Variants in LRTM3 observed in about 807,000 individuals in gnomAD.
LRTM3 encodes the protein leucine-rich repeat transmembrane protein 3.
At chr13:102,745,794 G>T in the LRTM3 span, 4 of 1,551,126 alleles carry the variant, frequency 2.6e-6, no homozygotes, top group Non-Finnish European at 2.6e-6. Flanking sequence ...GACTTTAGAG[G>T]TGAAAACCTA....
the LRTM3 span, chr13:102,758,845 A>G: frequency 1.3e-6 from 2 of 1,550,176 alleles, no homozygotes; most frequent in Admixed American, 3.9e-5. Flanking sequence ...ATAATCCAGG[A>G]CTCTAGAAAG....
At chr13:102,731,998 C>T in the LRTM3 span, 2 of 1,551,074 alleles carry the variant, frequency 1.3e-6, no homozygotes, top group African/African-American at 2.7e-5. Context: ...ATTTTTTATT[C>T]ATTTCACTTC....
the LRTM3 span, chr13:102,730,000 A>G: frequency 6.4e-7 from 1 of 1,551,662 alleles, no homozygotes; most frequent in South Asian, 1.2e-5. Flanking sequence ...TCTTCTCTTC[A>G]CTGAATGATA....
At chr13:102,757,197 C>A in the LRTM3 span, among the ~76,000 whole-genome samples, 4 of 152,194 alleles carry the variant, frequency 2.6e-5, no homozygotes, top group Admixed American at 2.6e-4. Context: ...AGGGTTCTAC[C>A]TACTCACACC....
chr13:102,741,196 T>G, the LRTM3 span: 1 of 1,549,724 alleles, frequency 6.5e-7, no homozygotes, highest in Non-Finnish European at 8.7e-7. Context: ...CCATTTTCTG[T>G]CTATTTGATT....
the LRTM3 span, chr13:102,745,921 T>C: frequency 6.4e-7 from 1 of 1,551,220 alleles, no homozygotes. Flanking sequence ...TACTTCCTGG[T>C]TGGTTCAGTT....
chr13:102,749,600 C>T, the LRTM3 span: 12 of 1,551,286 alleles, frequency 7.7e-6, no homozygotes, highest in African/African-American at 1.1e-4. Context: ...ATGTTGGTTC[C>T]TATCCAGATC....
the LRTM3 span, chr13:102,747,192 G>A: frequency 6.4e-7 from 1 of 1,550,460 alleles, no homozygotes; most frequent in Non-Finnish European, 8.7e-7. Flanking sequence ...GATTCCTCTT[G>A]GACTAGCTTG....
the LRTM3 span, among the ~76,000 whole-genome samples, chr13:102,755,272 C>T: frequency 7.0e-6 from 1 of 143,000 alleles, no homozygotes; most frequent in Admixed American, 7.0e-5. Flanking sequence ...ATAAAATCCA[C>T]TCCATCTCTA....
chr13:102,734,543 A>C, the LRTM3 span: 1 of 1,551,278 alleles, frequency 6.4e-7, no homozygotes, highest in Middle Eastern at 1.7e-4. Flanking sequence ...CTTTGACTTC[A>C]AAGTTATATC....
chr13:102,755,798 G>A, the LRTM3 span, among the ~76,000 whole-genome samples: 5 of 148,824 alleles, frequency 3.4e-5, no homozygotes, highest in Admixed American at 3.3e-4. Flanking sequence ...AAAATTAAAT[G>A]AAATAAAATT....
chr13:102,733,389 C>A, the LRTM3 span: 1 of 1,551,302 alleles, frequency 6.4e-7, no homozygotes, highest in Non-Finnish European at 8.7e-7. Context: ...TCTGGAGATA[C>A]TTTCGATGAA....
the LRTM3 span, among the ~76,000 whole-genome samples, chr13:102,751,342 T>TACACACAC: frequency 2.3e-3 from 321 of 142,108 alleles, 2 homozygotes; most frequent in African/African-American, 2.8e-3. Flanking sequence ...TCTCTCTTTA[T>TACACACAC]ACACACACAC....
chr13:102,741,017 A>T, the LRTM3 span: 1 of 1,550,110 alleles, frequency 6.5e-7, no homozygotes, highest in Non-Finnish European at 8.7e-7. Context: ...TGCTTTCTCT[A>T]CCATTGGGCT....
chr13:102,733,659 T>C, the LRTM3 span: 4 of 1,551,252 alleles, frequency 2.6e-6, no homozygotes, highest in African/African-American at 4.1e-5. Context: ...TTTTTCCCTG[T>C]AAAGAGCCAT....
chr13:102,732,768 G>C, the LRTM3 span: 1 of 1,551,224 alleles, frequency 6.4e-7, no homozygotes, highest in Non-Finnish European at 8.7e-7. Flanking sequence ...TCTTGCAGAT[G>C]TAAAGCTCTG....
the LRTM3 span, chr13:102,747,193 G>A: frequency 2.6e-6 from 4 of 1,550,534 alleles, no homozygotes; most frequent in Non-Finnish European, 3.5e-6. Context: ...ATTCCTCTTG[G>A]ACTAGCTTGA....
At chr13:102,739,838 T>A in the LRTM3 span, 1 of 1,549,770 alleles carries the variant, frequency 6.5e-7, no homozygotes, top group Non-Finnish European at 8.7e-7. Context: ...TGCAACCAAA[T>A]CTATTTCACT....
the LRTM3 span, among the ~76,000 whole-genome samples, chr13:102,755,894 CAT>C: frequency 2.8e-4 from 36 of 129,284 alleles, no homozygotes; most frequent in Admixed American, 9.5e-4. Context: ...TATGTATACA[CAT>C]ATATATGTGT....
Sources: allele counts gnomAD v4.1 joint callset (sites outside exome capture counted in the v4.1 genomes callset), GRCh38; gene constraint gnomAD v4.1.1; transcripts MANE v1.5; gene names NCBI Gene and HGNC (gene_info 2026-07-23, HGNC 2026-07-21).